Variants in ADGRV1 observed in about 807,000 individuals in gnomAD.
ADGRV1 encodes the protein G-protein coupled receptor 98.
ADGRV1 carries 359 observed loss-of-function variants against 596.2 expected under a neutral mutation model. The observed-to-expected ratio is 0.60, with a 90% CI of 0.55 to 0.66. The LOEUF (loss-of-function observed/expected upper bound fraction) is 0.66. Ranked by LOEUF, ADGRV1 falls within the 30% of genes least tolerant of loss-of-function variation. ADGRV1 has a pLI of 0.00. For synonymous variants in ADGRV1, 2,681 were observed against 2,679.2 expected, an observed-to-expected ratio of 1.00 and a Z score of -0.02; for missense variants, 7,274 against 7,575.6, an observed-to-expected ratio of 0.96 and a Z score of 1.48.
rs372603399 is a variant in ADGRV1, at chr5:90,724,971, G to T, written c.9888G>T (p.Gly3296=). 4 of 1,601,008 alleles carry T rather than the reference G, an allele frequency of 2.5e-6. No homozygotes were observed. Among genetic ancestry groups the T allele is most frequent in the Non-Finnish European group, 3.4e-6 (4 of 1,175,526 alleles). ...CTGTTACTGTTTACCGATGGCAGGG[G>T]ATTTTTATTCCAGTTGAGGTAAACA... ...KSSVTVYRWQ[G]IFIPVEDLNI... The change falls in exon 46 of 90, where the codon GGG becomes GGT. Residue 3296 remains glycine, a synonymous_variant. Transcript: ENST00000405460.
At chr5:90,640,700 C>G (rs1766860118) in intron 11 of ADGRV1, 1 of 152,472 alleles carries the variant, frequency 6.6e-6, no homozygotes, top group Non-Finnish European at 1.5e-5. Context: ...ATTACTAGCT[C>G]TTGGGAAAAA....
chr5:90,697,192 A>G (rs1223074439), intron 34 of ADGRV1, 46 bp downstream of exon 34: 1 of 1,513,804 alleles, frequency 6.6e-7, no homozygotes, highest in Non-Finnish European at 9.1e-7. Flanking sequence ...TTTTCTATGG[A>G]TGTTGTCTTT....
intron 86 of ADGRV1, among the ~76,000 whole-genome samples, chr5:91,096,202 A>T (rs1790848103): frequency 6.6e-6 from 1 of 152,256 alleles, no homozygotes; most frequent in Non-Finnish European, 1.5e-5. Flanking sequence ...TTGTAAACAT[A>T]GAATAAATTT....
chr5:91,114,686 G>C (rs1792696005), intron 87 of ADGRV1, among the ~76,000 whole-genome samples: 1 of 152,122 alleles, frequency 6.6e-6, no homozygotes, highest in South Asian at 2.1e-4. Context: ...GTGTTTTGTA[G>C]AAACCTCCCC....
intron 87 of ADGRV1, among the ~76,000 whole-genome samples, chr5:91,110,018 A>G (rs3952745): frequency 0.13 from 19,185 of 152,220 alleles, 1,366 homozygotes; most frequent in African/African-American, 0.2. Flanking sequence ...TTAGAATAGT[A>G]CTTGTGATCT....
chr5:91,069,314 A>G (rs1712899421), intron 85 of ADGRV1, among the ~76,000 whole-genome samples: 1 of 152,242 alleles, frequency 6.6e-6, no homozygotes. Context: ...CAACAGAGTA[A>G]ACAGACAACT....
chr5:90,630,638 G>A (rs1258927549), intron 9 of ADGRV1: 1 of 152,106 alleles, frequency 6.6e-6, no homozygotes, highest in African/African-American at 2.4e-5. Flanking sequence ...ATCTTATGTT[G>A]CCATACATTG....
At chr5:90,728,071 A>G (rs1202346438) in intron 48 of ADGRV1, among the ~76,000 whole-genome samples, 3 of 152,214 alleles carry the variant, frequency 2.0e-5, no homozygotes, top group Non-Finnish European at 2.9e-5. Flanking sequence ...AGTTCTTAGC[A>G]TAATGTCTGT....
chr5:90,644,987 C>G (rs1270974394), intron 15 of ADGRV1, 118 bp downstream of exon 15: 1 of 722,712 alleles, frequency 1.4e-6, no homozygotes, highest in African/African-American at 1.8e-5. Flanking sequence ...ATAAAGAACT[C>G]AGGTGTGACA....
intron 39 of ADGRV1, 97 bp downstream of exon 39, chr5:90,709,006 A>C (rs1748976360): frequency 1.2e-6 from 1 of 806,900 alleles, no homozygotes; most frequent in East Asian, 2.5e-5. Flanking sequence ...CTGTTTTGTT[A>C]ATCTTAGCTA....
chr5:90,730,165 G>A (rs558423175), intron 50 of ADGRV1, among the ~76,000 whole-genome samples: 209 of 152,244 alleles, frequency 1.4e-3, no homozygotes, highest in African/African-American at 4.8e-3. Flanking sequence ...CCGACTCTGG[G>A]TATTTTAATA....
chr5:91,123,470 C>T (rs1265150220), intron 87 of ADGRV1, among the ~76,000 whole-genome samples: 1 of 152,062 alleles, frequency 6.6e-6, no homozygotes, highest in South Asian at 2.1e-4. Context: ...GGCTAACAAG[C>T]TCCCTCAGGC....
intron 85 of ADGRV1, among the ~76,000 whole-genome samples, chr5:91,024,950 G>A (rs547477278): frequency 1.3e-5 from 2 of 152,214 alleles, no homozygotes; most frequent in African/African-American, 4.8e-5. Flanking sequence ...ACTTCCCTGG[G>A]AATTGTGCCA....
At chr5:90,760,971 C>T (rs1422456641) in intron 58 of ADGRV1, among the ~76,000 whole-genome samples, 2 of 152,060 alleles carry the variant, frequency 1.3e-5, no homozygotes, top group African/African-American at 4.8e-5. Context: ...ATGAATTAGC[C>T]ATAAAAATAT....
intron 83 of ADGRV1, among the ~76,000 whole-genome samples, chr5:90,870,458 A>G (rs1212287423): frequency 6.6e-6 from 1 of 152,200 alleles, no homozygotes; most frequent in African/African-American, 2.4e-5. Flanking sequence ...AAGGATCACT[A>G]CAAGAGGATT....
intron 42 of ADGRV1, 90 bp downstream of exon 42, chr5:90,712,518 G>A (rs994556393): frequency 1.1e-6 from 1 of 937,508 alleles, no homozygotes; most frequent in Non-Finnish European, 1.6e-6. Flanking sequence ...GAAAGTCTTG[G>A]TGGTTTTCTG....
In ADGRV1 at chr5:90,753,569, T is replaced by C; in HGVS notation, c.11122-5T>C. 1 of 1,580,332 alleles carries C rather than the reference T, an allele frequency of 6.3e-7. No individual in the cohort carries two copies. Among genetic ancestry groups the C allele is most frequent in the South Asian group, 1.1e-5 (1 of 88,638 alleles). ...AAATAACATCTTCTTTCTTTAAAAT[T>C]CTAGATTTTATTTACTGAAGGCCAG... is the stretch of plus-strand genomic sequence containing the variant. On this transcript the variant is annotated splice_region_variant and splice_polypyrimidine_tract_variant and intron_variant, in intron 53 of 89. Coordinates refer to ENST00000405460, the MANE Select transcript of ADGRV1 (RefSeq NM_032119.4).
intron 85 of ADGRV1, among the ~76,000 whole-genome samples, chr5:90,997,651 A>T (rs1781528223): frequency 6.6e-6 from 1 of 152,190 alleles, no homozygotes; most frequent in Admixed American, 6.5e-5. Context: ...TACTAAATAT[A>T]TCTTAAGATA....
chr5:90,848,076 CAAAT>C (rs1464451158), intron 78 of ADGRV1, among the ~76,000 whole-genome samples: 3 of 152,014 alleles, frequency 2.0e-5, no homozygotes, highest in Admixed American at 6.5e-5. Context: ...CTCAAAAAAA[CAAAT>C]AACCCAGTTT....
Sources: allele counts gnomAD v4.1 joint callset (sites outside exome capture counted in the v4.1 genomes callset), GRCh38; gene constraint gnomAD v4.1.1; transcripts MANE v1.5; gene names NCBI Gene and HGNC (gene_info 2026-07-23, HGNC 2026-07-21).